The following SPTSSB variants were observed in gnomAD, a reference collection of about 807,000 sequenced individuals.
The protein encoded by SPTSSB is androgen down regulated in mouse prostate.
Under a neutral mutation model 7.7 loss-of-function variants are expected in SPTSSB, and 6 were observed. The observed-to-expected ratio is 0.78, with a 90% CI of 0.43 to 1.54. The LOEUF (loss-of-function observed/expected upper bound fraction) is 1.54. Among genes scored for constraint, SPTSSB ranks in the 40% most tolerant of loss-of-function variants. SPTSSB has a pLI of 0.01. For synonymous variants in SPTSSB, 28 were observed against 29.7 expected, an observed-to-expected ratio of 0.94 and a Z score of 0.19; for missense variants, 91 against 93.0, an observed-to-expected ratio of 0.98 and a Z score of 0.09.
At chr3:161,366,880 A>G (rs141266758) in intron 1 of SPTSSB, among the ~76,000 whole-genome samples, 15 of 152,354 alleles carry the variant, frequency 9.8e-5, no homozygotes, top group African/African-American at 3.6e-4. Flanking sequence ...TTGATTTTAT[A>G]AACAAATGGC....
intron 2 of SPTSSB, among the ~76,000 whole-genome samples, chr3:161,348,294 A>C (rs1486710841): frequency 2.7e-5 from 3 of 110,192 alleles, no homozygotes; most frequent in Non-Finnish European, 5.2e-5. Flanking sequence ...AAACAAAACA[A>C]AACAAAACAC....
At chr3:161,369,017 C>T (rs1715341118) in intron 1 of SPTSSB, among the ~76,000 whole-genome samples, 1 of 152,188 alleles carries the variant, frequency 6.6e-6, no homozygotes. Flanking sequence ...AGTAATGCCA[C>T]TATGAACATT....
At chr3:161,358,505 A>T (rs1213932757) in intron 2 of SPTSSB, among the ~76,000 whole-genome samples, 1 of 152,190 alleles carries the variant, frequency 6.6e-6, no homozygotes, top group African/African-American at 2.4e-5. Flanking sequence ...ATTAAAAAGT[A>T]TAAAATATTT....
rs1217561771 is a variant in SPTSSB at position 161,344,920 on chromosome 3, T to G, written c.*1173A>C. 1 of 152,632 alleles carries G rather than the reference T, an allele frequency of 6.6e-6. No individual in the cohort carries two copies. The highest frequency in any genetic ancestry group is 1.5e-5 in the Non-Finnish European group (1 of 68,034). The allele number at this position is 152,632 out of a possible 1,614,324, so 9.5% of individuals were successfully genotyped here. A position where few individuals can be genotyped will look rare whatever the true frequency, so the allele number is the denominator to read the frequency against. On this transcript the variant is annotated 3_prime_UTR_variant, in exon 3 of 3. Transcript: ENST00000620149. ...GCAAGTTAATTTGGCATGCCAAACA[T>G]CTTTCTCTCTAGCTCACCTTGGAAA...
intron 1 of SPTSSB, 66 bp downstream of exon 1, chr3:161,371,369 G>T: frequency 2.1e-6 from 2 of 962,512 alleles, no homozygotes; most frequent in Non-Finnish European, 2.5e-6. Context: ...TCCTCCTATA[G>T]AGACAGGAAT....
chr3:161,367,245 CT>C (rs780664958), intron 1 of SPTSSB, among the ~76,000 whole-genome samples: 29 of 152,194 alleles, frequency 1.9e-4, no homozygotes, highest in Non-Finnish European at 4.0e-4. Context: ...TTATATAAAT[CT>C]TTTAATTAGA....
At position 161,371,468 on chromosome 3, in the gene SPTSSB, T is replaced by C; in HGVS notation, c.-159A>G. 1 of 985,518 alleles carries C rather than the reference T, an allele frequency of 1.0e-6. No homozygotes were observed. The highest frequency in any genetic ancestry group is 1.2e-6 in the Non-Finnish European group (1 of 829,992). The allele number at this position is 985,518 out of a possible 1,614,324, so 61.0% of individuals were successfully genotyped here. The stretch of plus-strand genomic sequence containing the variant: ...TGGGTGTATCTCCCTGCGGCTTAGG[T>C]GAGCGCCGAGGCTTTGGCTCCTCCC... On this transcript the variant is annotated 5_prime_UTR_variant, in exon 1 of 3. Transcript: ENST00000620149.
intron 1 of SPTSSB, among the ~76,000 whole-genome samples, chr3:161,360,635 G>A (rs1337611408): frequency 1.3e-5 from 2 of 152,126 alleles, no homozygotes; most frequent in South Asian, 2.1e-4. Flanking sequence ...ACCATTTGTA[G>A]CTTTTTTGTC....
At chr3:161,358,870 T>A (rs1714894396) in intron 2 of SPTSSB, among the ~76,000 whole-genome samples, 1 of 152,228 alleles carries the variant, frequency 6.6e-6, no homozygotes, top group African/African-American at 2.4e-5. Flanking sequence ...TCAATAATGT[T>A]AAAGTAATAT....
At chr3:161,355,157 G>A (rs1268535452) in intron 2 of SPTSSB, among the ~76,000 whole-genome samples, 1 of 152,120 alleles carries the variant, frequency 6.6e-6, no homozygotes, top group Non-Finnish European at 1.5e-5. Context: ...TCAAGGTTTA[G>A]CTACAATGTC....
At chr3:161,350,915 C>T (rs1714506194) in intron 2 of SPTSSB, among the ~76,000 whole-genome samples, 1 of 152,044 alleles carries the variant, frequency 6.6e-6, no homozygotes, top group South Asian at 2.1e-4. Flanking sequence ...GACACTTTAC[C>T]TCTGTGGTCT....
At position 161,346,141 on chromosome 3, in the gene SPTSSB, C is replaced by T. The variant is rs1390091607; in HGVS notation, c.183G>A (p.Trp61Ter). ...ATCCACATATTTTTGAGAAAAATTC[C>T]CAAGCCAGGCGAATGTGGATTGGAA... ...VFIPIHIRLA[W>*]EFFSKICGYH... Residue 61 changes from tryptophan to a stop codon, truncating the protein, a stop_gained, in exon 3 of 3, where the codon TGG becomes TGA. Coordinates refer to ENST00000620149, the MANE Select transcript of SPTSSB (RefSeq NM_001040100.2). LOFTEE classifies it high-confidence loss of function. The T allele has an allele frequency of 6.2e-7, 1 of 1,611,610 alleles. No individual in the cohort carries two copies. Among genetic ancestry groups the T allele is most frequent in the Admixed American group, 1.7e-5 (1 of 59,998 alleles).
At chr3:161,367,858 G>A (rs1404436950) in intron 1 of SPTSSB, among the ~76,000 whole-genome samples, 1 of 152,158 alleles carries the variant, frequency 6.6e-6, no homozygotes, top group Non-Finnish European at 1.5e-5. Context: ...CCCAATGTGG[G>A]CCTGAACAAA....
intron 2 of SPTSSB, among the ~76,000 whole-genome samples, chr3:161,347,588 A>G (rs1328184857): frequency 6.6e-6 from 1 of 151,696 alleles, no homozygotes; most frequent in African/African-American, 2.4e-5. Context: ...AAATGCACTA[A>G]TTGTCGGGCT....
At chr3:161,361,851 C>T (rs529307163) in intron 1 of SPTSSB, among the ~76,000 whole-genome samples, 2 of 152,140 alleles carry the variant, frequency 1.3e-5, no homozygotes, top group Admixed American at 6.6e-5. Flanking sequence ...GAATTCACCC[C>T]GAAGGAAGTT....
chr3:161,358,008 T>TATA (rs148664978), intron 2 of SPTSSB, among the ~76,000 whole-genome samples: 1,674 of 152,072 alleles, frequency 0.011, 21 homozygotes, highest in Non-Finnish European at 0.017. Flanking sequence ...GGTAGAATCT[T>TATA]ATAATGTGAT....
In SPTSSB at chr3:161,346,141, C is replaced by A. The variant is rs1390091607; in HGVS notation, c.183G>T (p.Trp61Cys). The A allele has an allele frequency of 6.2e-7, 1 of 1,611,610 alleles. No individual in the cohort carries two copies. The highest frequency in any genetic ancestry group is 1.7e-5 in the Admixed American group (1 of 59,998). ...VFIPIHIRLAWEFFSKICGYH... is the reference protein window; with the variant it reads ...VFIPIHIRLACEFFSKICGYH... ...ATCCACATATTTTTGAGAAAAATTCCCAAGCCAGGCGAATGTGGATTGGAA... is the reference window on the plus strand; with the variant it reads ...ATCCACATATTTTTGAGAAAAATTCACAAGCCAGGCGAATGTGGATTGGAA... The change falls in exon 3 of 3, where the codon TGG (tryptophan) becomes TGT (cysteine). Residue 61 changes from tryptophan to cysteine, a missense_variant. Trp to Cys is a radical substitution (Grantham distance 215). Coordinates refer to ENST00000620149, the MANE Select transcript of SPTSSB (RefSeq NM_001040100.2).
intron 1 of SPTSSB, among the ~76,000 whole-genome samples, chr3:161,362,394 A>G (rs1440658749): frequency 6.6e-6 from 1 of 152,166 alleles, no homozygotes; most frequent in East Asian, 1.9e-4. Flanking sequence ...TCCCCATGAC[A>G]GACCTTTGGT....
chr3:161,361,827 G>A (rs1259657904), intron 1 of SPTSSB, among the ~76,000 whole-genome samples: 2 of 152,118 alleles, frequency 1.3e-5, no homozygotes, highest in African/African-American at 4.8e-5. Context: ...TAACTCCCAT[G>A]AGCCTCGTAG....
Sources: allele counts gnomAD v4.1 joint callset (sites outside exome capture counted in the v4.1 genomes callset), GRCh38; gene constraint gnomAD v4.1.1; transcripts MANE v1.5; gene names NCBI Gene and HGNC (gene_info 2026-07-23, HGNC 2026-07-21).